The following MAGI2 variants were observed in gnomAD, a reference collection of about 807,000 sequenced individuals.
MAGI2 encodes membrane-associated guanylate kinase, WW and PDZ domain-containing protein 2.
Under a neutral mutation model 133.3 loss-of-function variants are expected in MAGI2, and 35 were observed. The observed-to-expected ratio is 0.26, with a 90% CI of 0.20 to 0.35. The LOEUF is 0.35. Ranked by LOEUF, MAGI2 falls within the 10% of genes least tolerant of loss-of-function variation. MAGI2 has a pLI of 1.00. For missense variants in MAGI2, 1,636 were observed against 1,863.4 expected, an observed-to-expected ratio of 0.88 and a Z score of 2.25; for synonymous variants, 729 against 710.6, an observed-to-expected ratio of 1.03 and a Z score of -0.41.
At chr7:79,445,088 G>C (rs1273598451) in intron 1 of MAGI2, among the ~76,000 whole-genome samples, 4 of 152,146 alleles carry the variant, frequency 2.6e-5, no homozygotes, top group Non-Finnish European at 5.9e-5. Flanking sequence ...TTAATAAATG[G>C]TGCTGGGAAA....
intron 2 of MAGI2, among the ~76,000 whole-genome samples, chr7:78,755,223 T>C (rs996876089): frequency 3.9e-5 from 6 of 152,336 alleles, no homozygotes; most frequent in South Asian, 2.1e-4. Context: ...TTTGTAAGTA[T>C]GTACGGTGGA....
intron 1 of MAGI2, among the ~76,000 whole-genome samples, chr7:79,321,459 G>T (rs970153993): frequency 2.1e-4 from 9 of 43,618 alleles, no homozygotes; most frequent in Non-Finnish European, 3.8e-4. Context: ...CCCTCAAGTA[G>T]ATCCAACCAC....
At chr7:79,101,680 C>T (rs1410509608) in intron 1 of MAGI2, among the ~76,000 whole-genome samples, 2 of 144,654 alleles carry the variant, frequency 1.4e-5, no homozygotes, top group African/African-American at 2.6e-5. Flanking sequence ...GCCGAGATCG[C>T]GCCACCGCAC....
At chr7:78,113,932 A>G (rs909478595) in intron 20 of MAGI2, among the ~76,000 whole-genome samples, 2 of 152,326 alleles carry the variant, frequency 1.3e-5, no homozygotes, top group South Asian at 4.2e-4. Context: ...CTTTCAGGAT[A>G]TGAGGACAAG....
intron 2 of MAGI2, among the ~76,000 whole-genome samples, chr7:78,969,162 G>A (rs1803572929): frequency 2.0e-5 from 3 of 151,944 alleles, no homozygotes. Context: ...CTGTGCAGGT[G>A]TACTGGCGAC....
chr7:78,034,772 C>A (rs1228203531), intron 21 of MAGI2, among the ~76,000 whole-genome samples: 3 of 152,198 alleles, frequency 2.0e-5, no homozygotes, highest in Admixed American at 1.3e-4. Context: ...AAGTGATCCA[C>A]CTGCCTTGGC....
chr7:79,255,701 TG>T (rs1281522478), intron 1 of MAGI2, among the ~76,000 whole-genome samples: 1 of 152,116 alleles, frequency 6.6e-6, no homozygotes, highest in Non-Finnish European at 1.5e-5. Flanking sequence ...GGTAAGTCAC[TG>T]CCTGGGGTGG....
intron 2 of MAGI2, among the ~76,000 whole-genome samples, chr7:78,882,307 T>C (rs1795942252): frequency 6.6e-6 from 1 of 151,616 alleles, no homozygotes; most frequent in Non-Finnish European, 1.5e-5. Context: ...CTTCCCAAAA[T>C]TGAATCAGGA....
intron 2 of MAGI2, among the ~76,000 whole-genome samples, chr7:78,634,775 G>C (rs79239193): frequency 0.1 from 15,591 of 152,110 alleles, 889 homozygotes; most frequent in East Asian, 0.17. Context: ...GGAAGATGTG[G>C]AGAATAAAAG....
intron 6 of MAGI2, among the ~76,000 whole-genome samples, chr7:78,422,501 T>G (rs1267983969): frequency 6.6e-6 from 1 of 151,832 alleles, no homozygotes; most frequent in Non-Finnish European, 1.5e-5. Context: ...TTTTTACACA[T>G]ATCAATTGAC....
chr7:79,160,332 A>C (rs1314040138), intron 1 of MAGI2, among the ~76,000 whole-genome samples: 1 of 152,112 alleles, frequency 6.6e-6, no homozygotes, highest in Non-Finnish European at 1.5e-5. Flanking sequence ...AAAATAAAAG[A>C]AACAATTAAG....
At chr7:79,409,990 T>C (rs1846042990) in intron 1 of MAGI2, 1 of 152,076 alleles carries the variant, frequency 6.6e-6, no homozygotes, top group Non-Finnish European at 1.5e-5. Flanking sequence ...ATGGGAAGAA[T>C]AGAAATCACA....
At chr7:78,895,749 G>C (rs971939556) in intron 2 of MAGI2, among the ~76,000 whole-genome samples, 2 of 152,118 alleles carry the variant, frequency 1.3e-5, no homozygotes, top group African/African-American at 4.8e-5. Context: ...TGGTCAACTC[G>C]ATTCACTTGG....
At chr7:79,258,175 ACT>A (rs1173909585) in intron 1 of MAGI2, among the ~76,000 whole-genome samples, 27 of 152,246 alleles carry the variant, frequency 1.8e-4, no homozygotes, top group Admixed American at 5.2e-4. Flanking sequence ...TAAAGCATTC[ACT>A]CTGTCCTCAG....
chr7:79,002,860 AGT>A (rs4021172), intron 2 of MAGI2, among the ~76,000 whole-genome samples: 24,933 of 133,416 alleles, frequency 0.19, 2,273 homozygotes, highest in African/African-American at 0.2. Context: ...TTTATTGAAA[AGT>A]GTGTGTGTGT....
chr7:78,202,234 T>C (rs1333089263), intron 10 of MAGI2, among the ~76,000 whole-genome samples: 1 of 152,054 alleles, frequency 6.6e-6, no homozygotes, highest in Non-Finnish European at 1.5e-5. Flanking sequence ...ATGGGCATAG[T>C]TGACAACTAT....
chr7:78,833,490 A>G (rs1395834955), intron 2 of MAGI2, among the ~76,000 whole-genome samples: 1 of 152,178 alleles, frequency 6.6e-6, no homozygotes, highest in Non-Finnish European at 1.5e-5. Flanking sequence ...GCCTGGGAAC[A>G]AAGAAAGAGC....
At chr7:78,321,064 G>C (rs1195688940) in intron 9 of MAGI2, among the ~76,000 whole-genome samples, 1 of 152,130 alleles carries the variant, frequency 6.6e-6, no homozygotes, top group East Asian at 1.9e-4. Context: ...ACTTACAAGG[G>C]ATGTGAAGGA....
At chr7:79,442,877 A>G (rs968614195) in intron 1 of MAGI2, among the ~76,000 whole-genome samples, 2 of 152,108 alleles carry the variant, frequency 1.3e-5, no homozygotes, top group Admixed American at 1.3e-4. Flanking sequence ...AAGCCTAAAT[A>G]CTTGCTATGT....
Sources: gnomAD v4.1 joint callset for allele counts (sites outside exome capture counted in the v4.1 genomes callset) on GRCh38, gnomAD v4.1.1 for gene constraint, MANE v1.5 for transcripts, NCBI Gene and HGNC (gene_info 2026-07-23, HGNC 2026-07-21) for gene names.